The following STK40 variants were observed in gnomAD, a reference collection of about 807,000 sequenced individuals.
The protein encoded by STK40 is serine/threonine kinase 40, also known as serine/threonine-protein kinase 40.
In STK40, 13 loss-of-function variants were observed where a neutral mutation model predicts 47.9. The ratio of observed to expected loss-of-function variants is 0.27; its 90% CI spans 0.18 to 0.43. The LOEUF is 0.43. STK40 is among the 20% of genes least tolerant of loss of function. The probability of loss-of-function intolerance (pLI) is 1.00; values close to 1 mark genes in which losing one functional copy is unlikely to be tolerated. For missense variants in STK40, 460 were observed against 595.1 expected (o/e 0.77, Z 2.36); for synonymous variants, 225 against 243.2 (o/e 0.93, Z 0.69).
intron 10 of STK40, chr1:36,342,588 G>C (rs1462892691): frequency 6.3e-6 from 1 of 158,926 alleles, no homozygotes; most frequent in Non-Finnish European, 1.4e-5. Context: ...AAGAACACAG[G>C]CCACGCAGGC....
chr1:36,361,026 C>A (rs927742935), intron 2 of STK40, among the ~76,000 whole-genome samples, 195 bp downstream of exon 2: 2 of 152,164 alleles, frequency 1.3e-5, no homozygotes, highest in African/African-American at 4.8e-5. Context: ...TGACCCAAGG[C>A]TTGGGTCTTC....
rs552009807 is a variant in STK40, at chr1:36,352,765, C to T, written c.623+1599G>A. 1.2e-4 allele frequency among the ~76,000 whole-genome samples: 18 copies of T among 152,344 alleles called. No homozygotes were observed. In the East Asian group the frequency reaches 2.9e-3, roughly 24 times the overall value. ...CTCCACATGTCCCTTGCCCTCTGCACGCCAGTCCTCCACACATGATACCAT... is the reference window on the plus strand; with the variant it reads ...CTCCACATGTCCCTTGCCCTCTGCATGCCAGTCCTCCACACATGATACCAT... On this transcript the variant is annotated intron_variant, in intron 6 of 10. Transcript: ENST00000373132.
intron 1 of STK40, among the ~76,000 whole-genome samples, chr1:36,368,245 T>A (rs1349257620): frequency 2.6e-5 from 4 of 151,976 alleles, no homozygotes; most frequent in African/African-American, 7.3e-5. Context: ...CCTAACATGA[T>A]GCCCTTAATA....
intron 1 of STK40, among the ~76,000 whole-genome samples, chr1:36,374,821 T>C (rs1646978427): frequency 6.6e-6 from 1 of 152,172 alleles, no homozygotes; most frequent in African/African-American, 2.4e-5. Context: ...ACTGGCCTGC[T>C]CTGGCTCATT....
At chr1:36,376,551 AAC>A (rs376160898) in intron 1 of STK40, among the ~76,000 whole-genome samples, 4 of 151,798 alleles carry the variant, frequency 2.6e-5, no homozygotes, top group African/African-American at 7.2e-5. Flanking sequence ...CATAAAAATC[AAC>A]ACACACACAC....
chr1:36,372,738 G>C (rs1223235608), intron 1 of STK40: 3 of 152,258 alleles, frequency 2.0e-5, no homozygotes, highest in African/African-American at 7.2e-5. Flanking sequence ...GCTTCCCTCA[G>C]AATGAGGCAT....
At chr1:36,357,684 T>C (rs750588486) in intron 4 of STK40, among the ~76,000 whole-genome samples, 15 of 152,302 alleles carry the variant, frequency 9.8e-5, no homozygotes, top group Non-Finnish European at 1.5e-4. Flanking sequence ...TGGCACAATC[T>C]TGGCTCACTG....
chr1:36,361,001 G>T (rs973671185), intron 2 of STK40, among the ~76,000 whole-genome samples: 2 of 152,172 alleles, frequency 1.3e-5, no homozygotes, highest in African/African-American at 4.8e-5. Context: ...AACACTGACA[G>T]CCCCTGGTAC....
In STK40 at chr1:36,347,183, C is replaced by T. The variant is rs534276336; in HGVS notation, c.739+1517G>A. Reference sequence around the variant, plus strand: ...TGCTTGTATTACAGCAGCCTGCTCACCAGGATGTGTGTGAAGAGCTGGGAC... The same window carrying T: ...TGCTTGTATTACAGCAGCCTGCTCATCAGGATGTGTGTGAAGAGCTGGGAC... On this transcript the variant is annotated intron_variant, in intron 7 of 10. Transcript: ENST00000373132. Among the ~76,000 whole-genome samples the T allele has an allele frequency of 2.6e-5, 4 of 152,214 alleles. No homozygotes were observed. The East Asian group carries it at 7.7e-4, about 29-fold the overall frequency.
intron 1 of STK40, among the ~76,000 whole-genome samples, chr1:36,382,914 A>G (rs1422379163): frequency 1.3e-5 from 2 of 152,230 alleles, no homozygotes; most frequent in Non-Finnish European, 2.9e-5. Flanking sequence ...CAGCAGGGAT[A>G]GAAGTAGAAC....
chr1:36,372,423 C>CAAAAAAAAAAAAAA (rs796595993), intron 1 of STK40, among the ~76,000 whole-genome samples: 11 of 39,470 alleles, frequency 2.8e-4, no homozygotes, highest in African/African-American at 3.7e-4. Context: ...GACCTTGTCT[C>CAAAAAAAAAAAAAA]AAAAAAAAAA....
At chr1:36,364,636 TC>T (rs1045953215) in intron 1 of STK40, among the ~76,000 whole-genome samples, 20 of 152,062 alleles carry the variant, frequency 1.3e-4, no homozygotes, top group African/African-American at 4.1e-4. Flanking sequence ...AGCTTTTTCA[TC>T]TTTTTTTTTT....
intron 1 of STK40, among the ~76,000 whole-genome samples, chr1:36,377,387 G>C (rs1375217455): frequency 6.6e-6 from 1 of 151,692 alleles, no homozygotes; most frequent in Non-Finnish European, 1.5e-5. Flanking sequence ...ACAAAAATTA[G>C]CCGGGTGTGG....
Position 36,341,478 on chromosome 1 carries a change from G to T in STK40, c.*277C>A, listed in dbSNP as rs1646646534. 2.2e-6 allele frequency: 1 copy of T among 451,510 alleles called. No individual in the cohort carries two copies. Among genetic ancestry groups the T allele is most frequent in the Non-Finnish European group, 4.1e-6 (1 of 243,956 alleles). 28.0% of individuals were successfully genotyped at this position (451,510 alleles called of 1,614,324 possible). A position where few individuals can be genotyped will look rare whatever the true frequency, so the allele number is the denominator to read the frequency against. On this transcript the variant is annotated 3_prime_UTR_variant, in exon 11 of 11. Transcript: ENST00000373132. ...TCTTGCTCAGTCCAGAGACAGCATG[G>T]TTAAAGAGACAGAGGTAGATTAAAA...
rs1319061258 is a variant in STK40, at chr1:36,358,838, C to T, written c.113-16G>A. Reference sequence around the variant, plus strand: ...AGACGGGGACCTACGGCACAGAGAGCTGCTGGTCTACTTTTCAGAAGCCCT... The same window carrying T: ...AGACGGGGACCTACGGCACAGAGAGTTGCTGGTCTACTTTTCAGAAGCCCT... On this transcript the variant is annotated splice_polypyrimidine_tract_variant and intron_variant, in intron 2 of 10. Coordinates refer to ENST00000373132, the MANE Select transcript of STK40 (RefSeq NM_001282547.2). 1.2e-6 allele frequency: 2 copies of T among 1,614,042 alleles called. No individual in the cohort carries two copies. Among genetic ancestry groups the T allele is most frequent in the Admixed American group, 1.7e-5 (1 of 60,022 alleles).
chr1:36,348,602 C>A, intron 7 of STK40, 98 bp downstream of exon 7: 1 of 1,095,322 alleles, frequency 9.1e-7, no homozygotes, highest in Non-Finnish European at 1.4e-6. Flanking sequence ...GAAGCCCCAG[C>A]ACCTTGCCCA....
intron 7 of STK40, among the ~76,000 whole-genome samples, chr1:36,347,833 A>T (rs1646717526): frequency 6.6e-6 from 1 of 152,024 alleles, no homozygotes; most frequent in Admixed American, 6.5e-5. Flanking sequence ...CTGTATTTTT[A>T]GTAGAGACAG....
intron 7 of STK40, among the ~76,000 whole-genome samples, chr1:36,346,009 T>TTTTTTTTTTTTTTTC (rs1436531127): frequency 8.2e-6 from 1 of 122,046 alleles, no homozygotes; most frequent in Non-Finnish European, 1.6e-5. Context: ...TTTTTTTTTT[T>TTTTTTTTTTTTTTTC]CCTGAGACAG....
chr1:36,384,527 C>A (rs1209275394), intron 1 of STK40, among the ~76,000 whole-genome samples: 1 of 152,176 alleles, frequency 6.6e-6, no homozygotes, highest in Non-Finnish European at 1.5e-5. Context: ...GTTTTATAGA[C>A]GAAGACACTG....
Sources: allele counts gnomAD v4.1 joint callset (sites outside exome capture counted in the v4.1 genomes callset), GRCh38; gene constraint gnomAD v4.1.1; transcripts MANE v1.5; gene names NCBI Gene and HGNC (gene_info 2026-07-23, HGNC 2026-07-21).